Variants in TSHZ2 observed in about 807,000 individuals in gnomAD.
The protein encoded by TSHZ2 is teashirt homolog 2.
TSHZ2 carries 21 observed loss-of-function variants against 74.4 expected under a neutral mutation model. The observed-to-expected ratio is 0.28, with a 90% CI of 0.20 to 0.41. The LOEUF (loss-of-function observed/expected upper bound fraction) is 0.41, where lower values mean the gene tolerates loss of function less well. Ranked by LOEUF, TSHZ2 falls within the 10% of genes least tolerant of loss-of-function variation. The pLI is 1.00. For synonymous variants in TSHZ2, 540 were observed against 515.3 expected, an observed-to-expected ratio of 1.05 and a Z score of -0.65; for missense variants, 1,244 against 1,293.5, an observed-to-expected ratio of 0.96 and a Z score of 0.59.
At chr20:53,049,740 G>A (rs1253402271) in intron 1 of TSHZ2, among the ~76,000 whole-genome samples, 3 of 152,012 alleles carry the variant, frequency 2.0e-5, no homozygotes, top group Non-Finnish European at 4.4e-5. Context: ...GGTGAATGAA[G>A]CACACAGCAC....
intron 2 of TSHZ2, among the ~76,000 whole-genome samples, chr20:53,480,092 G>C (rs569337198): frequency 1.4e-5 from 2 of 145,258 alleles, no homozygotes; most frequent in South Asian, 2.2e-4. Context: ...TTTTGAGATG[G>C]AGTTTCACTC....
chr20:53,341,913 G>A lies in TSHZ2; in HGVS notation c.*8+85342G>A, dbSNP rs563647121. Reference sequence around the variant, plus strand: ...TTTAGTAGAGAAGGGGCTTCACCACGTTGACCAGACTGGTCTCGAACTCCT... The same window carrying A: ...TTTAGTAGAGAAGGGGCTTCACCACATTGACCAGACTGGTCTCGAACTCCT... On this transcript the variant is annotated intron_variant, in intron 2 of 2. Coordinates refer to ENST00000371497, the MANE Select transcript of TSHZ2 (RefSeq NM_173485.6). 7.2e-5 allele frequency among the ~76,000 whole-genome samples: 11 copies of A among 152,242 alleles called. No individual in the cohort carries two copies. The South Asian group carries it at 1.2e-3, about 17-fold the overall frequency.
chr20:53,297,520 T>C (rs1460675287), intron 2 of TSHZ2, among the ~76,000 whole-genome samples: 21 of 152,218 alleles, frequency 1.4e-4, no homozygotes, highest in Non-Finnish European at 1.5e-5. Context: ...GCCTATAAAA[T>C]GCTGCGATTA....
intron 1 of TSHZ2, among the ~76,000 whole-genome samples, chr20:53,134,507 G>T (rs1012234): frequency 0.87 from 131,997 of 152,156 alleles, 57,630 homozygotes; most frequent in East Asian, 1. Flanking sequence ...CCATCTGAAA[G>T]AAGGAAGCTG....
intron 1 of TSHZ2, among the ~76,000 whole-genome samples, chr20:53,026,162 C>G (rs974940721): frequency 1.3e-5 from 2 of 152,024 alleles, no homozygotes; most frequent in Non-Finnish European, 2.9e-5. Context: ...AATTCAGAGG[C>G]AGGTTCCATG....
intron 1 of TSHZ2, among the ~76,000 whole-genome samples, chr20:53,229,685 ACT>A (rs1491036560): frequency 1.3e-5 from 2 of 150,932 alleles, no homozygotes; most frequent in Non-Finnish European, 2.9e-5. Flanking sequence ...TGGGAGCAGC[ACT>A]CTCTTCTCTG....
At chr20:53,379,131 C>T (rs156620) in intron 2 of TSHZ2, among the ~76,000 whole-genome samples, 80,080 of 152,106 alleles carry the variant, frequency 0.53, 24,362 homozygotes, top group Non-Finnish European at 0.7. Context: ...CCTGTAATCC[C>T]GGCACTTTGG....
intron 1 of TSHZ2, among the ~76,000 whole-genome samples, chr20:53,113,934 A>C (rs530542355): frequency 6.6e-6 from 1 of 152,034 alleles, no homozygotes. Context: ...ACCAAAAAAA[A>C]AGGTCCATAT....
chr20:53,138,896 A>G (rs1048859902), intron 1 of TSHZ2, among the ~76,000 whole-genome samples: 1 of 152,168 alleles, frequency 6.6e-6, no homozygotes, highest in Non-Finnish European at 1.5e-5. Flanking sequence ...GGGCTCAAAC[A>G]TTTTCTGAAC....
chr20:53,095,483 G>T (rs916219707), intron 1 of TSHZ2, among the ~76,000 whole-genome samples: 1 of 152,170 alleles, frequency 6.6e-6, no homozygotes. Context: ...CTCTAAATGG[G>T]GATCTCAAAG....
At chr20:53,051,729 A>G (rs758267924) in intron 1 of TSHZ2, among the ~76,000 whole-genome samples, 6 of 152,344 alleles carry the variant, frequency 3.9e-5, no homozygotes, top group Non-Finnish European at 8.8e-5. Context: ...CTCCGACTGC[A>G]CAAGGCTGGA....
chr20:53,323,439 A>ATGATGT (rs1979355056), intron 2 of TSHZ2, among the ~76,000 whole-genome samples: 1 of 138,152 alleles, frequency 7.2e-6, no homozygotes, highest in East Asian at 2.2e-4. Context: ...GATGTAGTTA[A>ATGATGT]AGTTTAAAGT....
rs539710187 is a variant in TSHZ2 at position 53,488,600 on chromosome 20, G to T, written c.*1465G>T. On this transcript the variant is annotated 3_prime_UTR_variant, in exon 3 of 3. Coordinates refer to ENST00000371497, the MANE Select transcript of TSHZ2 (RefSeq NM_173485.6). ...ATACGTCTGGATTATGTGGTAAATTGCTACTCAGCTATGGTGAAATATTTA... is the reference window on the plus strand; with the variant it reads ...ATACGTCTGGATTATGTGGTAAATTTCTACTCAGCTATGGTGAAATATTTA... 7 of 177,320 alleles carry T rather than the reference G, an allele frequency of 3.9e-5. No individual in the cohort carries two copies. The highest frequency in any genetic ancestry group is 1.3e-4 in the South Asian group (1 of 7,710). The allele number at this position is 177,320 out of a possible 1,614,324, so 11.0% of individuals were successfully genotyped here. A position where few individuals can be genotyped will look rare whatever the true frequency, so the allele number is the denominator to read the frequency against.
rs533925146 is a variant in TSHZ2, at chr20:53,019,562, T to C, written c.40+46229T>C. On this transcript the variant is annotated intron_variant, in intron 1 of 2. Coordinates refer to ENST00000371497, the MANE Select transcript of TSHZ2 (RefSeq NM_173485.6). ...GAATGTCCAGAGGTGGTGCCTGTGATATTGACCCCCATAGGTGAGCTCGTG... is the reference window on the plus strand; with the variant it reads ...GAATGTCCAGAGGTGGTGCCTGTGACATTGACCCCCATAGGTGAGCTCGTG... Among the ~76,000 whole-genome samples the C allele has an allele frequency of 2.0e-4, 30 of 152,274 alleles. No individual in the cohort carries two copies. The South Asian group carries it at 4.6e-3, about 23-fold the overall frequency.
At chr20:53,447,839 C>T (rs1220697250) in intron 2 of TSHZ2, among the ~76,000 whole-genome samples, 1 of 152,130 alleles carries the variant, frequency 6.6e-6, no homozygotes, top group Non-Finnish European at 1.5e-5. Context: ...CCAGGGGTTC[C>T]ATCTGTGTCC....
intron 1 of TSHZ2, among the ~76,000 whole-genome samples, chr20:53,046,619 A>G (rs529414190): frequency 1.3e-5 from 2 of 152,124 alleles, no homozygotes; most frequent in African/African-American, 2.4e-5. Context: ...ATTTCTGCAA[A>G]TGAGTTAGTA....
At chr20:53,462,477 T>A (rs1213255891) in intron 2 of TSHZ2, among the ~76,000 whole-genome samples, 1 of 152,120 alleles carries the variant, frequency 6.6e-6, no homozygotes, top group Non-Finnish European at 1.5e-5. Context: ...TCAATAAAGC[T>A]TTTGTTGTTA....
intron 2 of TSHZ2, among the ~76,000 whole-genome samples, chr20:53,271,132 C>T (rs913548225): frequency 6.6e-6 from 1 of 152,152 alleles, no homozygotes; most frequent in East Asian, 1.9e-4. Context: ...TATGCAGTCT[C>T]CAGAGACAGG....
intron 1 of TSHZ2, among the ~76,000 whole-genome samples, chr20:53,201,539 T>C (rs1415150618): frequency 6.6e-6 from 1 of 152,220 alleles, no homozygotes; most frequent in Non-Finnish European, 1.5e-5. Flanking sequence ...AAATCCAGGA[T>C]AATCTCTTTA....
Sources: gnomAD v4.1 joint callset for allele counts (sites outside exome capture counted in the v4.1 genomes callset) on GRCh38, gnomAD v4.1.1 for gene constraint, MANE v1.5 for transcripts, NCBI Gene and HGNC (gene_info 2026-07-23, HGNC 2026-07-21) for gene names.